COL25A1: variants seen among roughly 807,000 people sequenced by gnomAD.
The protein encoded by COL25A1 is collagen alpha-1(XXV) chain.
In COL25A1, 103 loss-of-function variants were observed where a neutral mutation model predicts 128.4. The ratio of observed to expected loss-of-function variants is 0.80; its 90% CI spans 0.68 to 0.94. COL25A1 has a LOEUF of 0.94. Among genes scored for constraint, COL25A1 ranks in the 40% least tolerant of loss-of-function variants. The pLI is 0.00. For synonymous variants in COL25A1, 279 were observed against 277.2 expected, an observed-to-expected ratio of 1.01 and a Z score of -0.06; for missense variants, 745 against 840.0, an observed-to-expected ratio of 0.89 and a Z score of 1.40.
intron 6 of COL25A1, among the ~76,000 whole-genome samples, chr4:108,982,610 G>A (rs998533298): frequency 1.1e-4 from 16 of 152,142 alleles, no homozygotes; most frequent in Admixed American, 9.8e-4. Flanking sequence ...GTCAAACTCT[G>A]CTAAGCCAGG....
At chr4:108,941,699 G>A (rs1304560494) in intron 8 of COL25A1, among the ~76,000 whole-genome samples, 2 of 152,140 alleles carry the variant, frequency 1.3e-5, no homozygotes, top group African/African-American at 4.8e-5. Context: ...TGTGGATGTT[G>A]GACCTTTTTA....
chr4:109,275,413 G>A (rs1167235701), intron 3 of COL25A1, among the ~76,000 whole-genome samples: 1 of 152,108 alleles, frequency 6.6e-6, no homozygotes, highest in Admixed American at 6.5e-5. Context: ...TTTCCCCAGA[G>A]GTTTCATAGG....
chr4:108,868,865 GAA>G (rs1429416783), intron 20 of COL25A1, among the ~76,000 whole-genome samples: 2 of 139,986 alleles, frequency 1.4e-5, no homozygotes, highest in Non-Finnish European at 3.1e-5. Context: ...AAGAAGGAAG[GAA>G]GAGAGAGAGA....
Position 108,852,995 on chromosome 4 carries a change from T to C in COL25A1, c.1321-70A>G. ...GTGCCAAAGTACAGTAATACATTTG[T>C]GAAATAATCAACTTTTTGAATATGT... On this transcript the variant is annotated intron_variant, in intron 24 of 37. Transcript: ENST00000399132. The C allele has an allele frequency of 2.2e-6, 3 of 1,383,492 alleles. No individual in the cohort carries two copies. The South Asian group carries it at 3.7e-5, about 17-fold the overall frequency. 85.7% of individuals were successfully genotyped at this position (1,383,492 alleles called of 1,614,324 possible).
chr4:108,887,947 T>C (rs1741020064), intron 18 of COL25A1, among the ~76,000 whole-genome samples: 1 of 152,174 alleles, frequency 6.6e-6, no homozygotes, highest in Admixed American at 6.6e-5. Context: ...GAAGATCAGT[T>C]GCTTTTTCAA....
chr4:109,082,752 C>T (rs987909924), intron 3 of COL25A1, among the ~76,000 whole-genome samples: 1 of 152,078 alleles, frequency 6.6e-6, no homozygotes, highest in Middle Eastern at 3.2e-3. Flanking sequence ...TGCCTTTTCA[C>T]CTTTTTTTCT....
chr4:109,006,824 C>T (rs980594086), intron 6 of COL25A1, among the ~76,000 whole-genome samples: 12 of 152,136 alleles, frequency 7.9e-5, no homozygotes, highest in East Asian at 5.8e-4. Flanking sequence ...AACCAAACAC[C>T]GCATGTTCTC....
chr4:109,185,286 A>C (rs969657599), intron 3 of COL25A1, among the ~76,000 whole-genome samples: 3 of 152,164 alleles, frequency 2.0e-5, no homozygotes, highest in South Asian at 4.1e-4. Context: ...GGATAATAAT[A>C]ATCATCATTT....
intron 3 of COL25A1, among the ~76,000 whole-genome samples, chr4:109,163,796 T>C (rs17040025): frequency 0.059 from 8,988 of 152,260 alleles, 442 homozygotes; most frequent in African/African-American, 0.13. Flanking sequence ...TGGTTTCTGG[T>C]TCTGATCTGT....
chr4:109,273,854 T>C (rs1340809227), intron 3 of COL25A1, among the ~76,000 whole-genome samples: 2 of 152,098 alleles, frequency 1.3e-5, no homozygotes, highest in African/African-American at 4.8e-5. Flanking sequence ...TTGCTTGGAA[T>C]TAAATAAGAC....
At chr4:109,042,733 GA>G (rs1760041462) in intron 5 of COL25A1, among the ~76,000 whole-genome samples, 1 of 152,028 alleles carries the variant, frequency 6.6e-6, no homozygotes, top group African/African-American at 2.4e-5. Flanking sequence ...AATATTTGCT[GA>G]AAAACTTCAA....
At chr4:108,946,176 A>G (rs1402166335) in intron 8 of COL25A1, among the ~76,000 whole-genome samples, 1 of 152,192 alleles carries the variant, frequency 6.6e-6, no homozygotes, top group African/African-American at 2.4e-5. Flanking sequence ...AGGAAAGGCT[A>G]TATCTCCCCC....
intron 3 of COL25A1, among the ~76,000 whole-genome samples, chr4:109,157,576 G>C (rs1772155435): frequency 6.6e-6 from 1 of 152,132 alleles, no homozygotes; most frequent in South Asian, 2.1e-4. Context: ...CTCCTGAAGA[G>C]AGATGATAAT....
At chr4:108,848,609 T>C (rs1037480412) in intron 27 of COL25A1, 150 bp downstream of exon 27, 6 of 585,456 alleles carry the variant, frequency 1.0e-5, no homozygotes, top group South Asian at 5.1e-5. Flanking sequence ...TAATGTCTGC[T>C]TTTTAGAGTC....
chr4:109,302,216 TTTCTTCTC>T lies in COL25A1; in HGVS notation c.-112_-105del. The T allele has an allele frequency of 1.6e-6, 1 of 628,318 alleles. No homozygotes were observed. Among genetic ancestry groups the T allele is most frequent in the African/African-American group, 1.8e-5 (1 of 54,264 alleles). The allele number at this position is 628,318 out of a possible 1,614,324, so 38.9% of individuals were successfully genotyped here. On this transcript the variant is annotated 5_prime_UTR_variant, in exon 1 of 38. Coordinates refer to ENST00000399132, the MANE Select transcript of COL25A1 (RefSeq NM_198721.4). ...ACCCGCAGGCGTGCACCATCCCCGC[TTTCTTCTC>T]TCCTCCCAGCTGGAAGTGAAAAGCA...
intron 3 of COL25A1, among the ~76,000 whole-genome samples, chr4:109,267,361 C>CA (rs1781863605): frequency 6.6e-6 from 1 of 151,984 alleles, no homozygotes; most frequent in Non-Finnish European, 1.5e-5. Flanking sequence ...TCATGGTACA[C>CA]AAAAAACATT....
At chr4:109,249,422 C>T in intron 3 of COL25A1, among the ~76,000 whole-genome samples, 1 of 143,024 alleles carries the variant, frequency 7.0e-6, no homozygotes, top group East Asian at 2.4e-4. Flanking sequence ...TAGCCCAACA[C>T]AGTTAGATGC....
At chr4:108,941,261 T>A in intron 9 of COL25A1, 105 bp downstream of exon 9, 2 of 761,454 alleles carry the variant, frequency 2.6e-6, no homozygotes, top group Non-Finnish European at 4.2e-6. Flanking sequence ...AATGCCCACA[T>A]ACCACCCACA....
intron 3 of COL25A1, among the ~76,000 whole-genome samples, chr4:109,247,881 G>T (rs1780381655): frequency 6.6e-6 from 1 of 152,134 alleles, no homozygotes; most frequent in African/African-American, 2.4e-5. Flanking sequence ...CTTTTAGCCA[G>T]CAAAGGCAAG....
Sources: allele counts gnomAD v4.1 joint callset (sites outside exome capture counted in the v4.1 genomes callset), GRCh38; gene constraint gnomAD v4.1.1; transcripts MANE v1.5; gene names NCBI Gene and HGNC (gene_info 2026-07-23, HGNC 2026-07-21).